OS9: variants seen among roughly 807,000 people sequenced by gnomAD.
OS9 encodes the protein OS9 endoplasmic reticulum lectin.
A neutral mutation model predicts 84.7 loss-of-function variants in OS9; 58 were observed. That is an observed-to-expected ratio of 0.68 (90% confidence interval 0.55 to 0.85). OS9 has a LOEUF of 0.85. Among genes scored for constraint, OS9 ranks in the 40% least tolerant of loss-of-function variants. The pLI, the probability that OS9 is intolerant of heterozygous loss-of-function variation, is 0.00. For synonymous variants in OS9, 278 were observed against 320.8 expected, an observed-to-expected ratio of 0.87 and a Z score of 1.43; for missense variants, 760 against 850.9, an observed-to-expected ratio of 0.89 and a Z score of 1.33.
At chr12:57,695,723 T>C (rs2140285016) in intron 2 of OS9, 57 bp from the exon 3 acceptor site, 1 of 1,109,184 alleles carries the variant, frequency 9.0e-7, no homozygotes, top group East Asian at 2.3e-5. Flanking sequence ...GAGACTCTGG[T>C]TCCAAGAAAA....
intron 11 of OS9, among the ~76,000 whole-genome samples, chr12:57,718,653 C>T (rs1306555247): frequency 6.6e-6 from 1 of 152,098 alleles, no homozygotes; most frequent in Non-Finnish European, 1.5e-5. Flanking sequence ...GCCTGTAATC[C>T]CAGCACTTTG....
intron 5 of OS9, among the ~76,000 whole-genome samples, chr12:57,710,736 G>C (rs1565775661): frequency 6.6e-6 from 1 of 152,006 alleles, no homozygotes; most frequent in Non-Finnish European, 1.5e-5. Flanking sequence ...TTATTTAAAA[G>C]GTATGTAATG....
chr12:57,709,281 CTT>C (rs1595050566), intron 5 of OS9, among the ~76,000 whole-genome samples: 1 of 152,206 alleles, frequency 6.6e-6, no homozygotes, highest in African/African-American at 2.4e-5. Context: ...TGTCTTCTCT[CTT>C]AATTATACAC....
intron 2 of OS9, 37 bp from the exon 3 acceptor site, chr12:57,695,743 A>C: frequency 7.2e-7 from 1 of 1,379,656 alleles, no homozygotes; most frequent in Non-Finnish European, 1.0e-6. Context: ...AGATGTCTGC[A>C]CTCCATCCCC....
chr12:57,694,678 G>A (rs764015491), intron 1 of OS9, 72 bp from the exon 2 acceptor site: 1 of 1,451,254 alleles, frequency 6.9e-7, no homozygotes, highest in Non-Finnish European at 9.7e-7. Flanking sequence ...GGTTTGAAGA[G>A]GGATTTCGTT....
At chr12:57,719,984 T>A in intron 12 of OS9, 115 bp from the exon 13 acceptor site, 1 of 939,154 alleles carries the variant, frequency 1.1e-6, no homozygotes, top group Non-Finnish European at 1.6e-6. Flanking sequence ...ATATACATGT[T>A]GAGATGGAAG....
At chr12:57,717,253 A>G (rs2140332515) in intron 9 of OS9, among the ~76,000 whole-genome samples, 1 of 152,288 alleles carries the variant, frequency 6.6e-6, no homozygotes. Context: ...CAGAGTGTCC[A>G]CCTTAGGATG....
chr12:57,704,437 C>G (rs10877006), intron 5 of OS9, among the ~76,000 whole-genome samples: 1 of 151,744 alleles, frequency 6.6e-6, no homozygotes, highest in African/African-American at 2.4e-5. Context: ...CTCGGGAAAC[C>G]GAGACAGGAG....
At chr12:57,715,365 A>AAAT (rs368406332) in intron 5 of OS9, among the ~76,000 whole-genome samples, 46 of 151,774 alleles carry the variant, frequency 3.0e-4, no homozygotes, top group Middle Eastern at 6.8e-3. Context: ...TCCATCTCAA[A>AAAT]AATAATAATA....
chr12:57,716,942 G>A (rs987742260), intron 9 of OS9, among the ~76,000 whole-genome samples, 198 bp downstream of exon 9: 6 of 152,164 alleles, frequency 3.9e-5, no homozygotes, highest in African/African-American at 1.4e-4. Flanking sequence ...CCACCACTTG[G>A]TGACTTTGTA....
chr12:57,697,908 AACAC>A (rs1265642283), intron 5 of OS9, among the ~76,000 whole-genome samples: 1 of 75,164 alleles, frequency 1.3e-5, no homozygotes, highest in Non-Finnish European at 2.7e-5. Flanking sequence ...AACATAAGCA[AACAC>A]ACACACACAC....
At chr12:57,713,513 A>T (rs1954391832) in intron 5 of OS9, among the ~76,000 whole-genome samples, 1 of 151,770 alleles carries the variant, frequency 6.6e-6, no homozygotes, top group Admixed American at 6.5e-5. Context: ...GTCCCACTGC[A>T]CTTGAGGTAA....
intron 5 of OS9, among the ~76,000 whole-genome samples, chr12:57,709,621 T>C: frequency 6.6e-6 from 1 of 152,230 alleles, no homozygotes; most frequent in East Asian, 1.9e-4. Context: ...TGTTCAGATT[T>C]TCTACAATTT....
chr12:57,720,598 C>A, intron 14 of OS9, 80 bp downstream of exon 14: 3 of 1,305,510 alleles, frequency 2.3e-6, no homozygotes, highest in Non-Finnish European at 1.1e-6. Flanking sequence ...CACGCCATTG[C>A]TGAGCTTCCA....
chr12:57,715,801 C>T lies in OS9; in HGVS notation c.621C>T (p.Ile207=), dbSNP rs767995006. The T allele has an allele frequency of 2.1e-5, 34 of 1,613,472 alleles. No individual in the cohort carries two copies. Among genetic ancestry groups the T allele is most frequent in the Admixed American group, 3.3e-5 (2 of 59,930 alleles). ...DEGAGISGDY[I]DRVDEPLSCS... ...GTGCAGGTATCTCTGGGGACTACATCGATCGCGTGGACGAGCCCTTGTCCT... is the reference window on the plus strand; with the variant it reads ...GTGCAGGTATCTCTGGGGACTACATTGATCGCGTGGACGAGCCCTTGTCCT... Residue 207 remains isoleucine, a synonymous_variant, in exon 6 of 15, where the codon ATC becomes ATT. Coordinates refer to ENST00000315970, the MANE Select transcript of OS9 (RefSeq NM_006812.4).
chr12:57,695,987 C>G lies in OS9; in HGVS notation c.429C>G (p.Leu143=). The change falls in exon 4 of 15, where the codon CTC becomes CTG. Residue 143 remains leucine, a synonymous_variant. Coordinates refer to ENST00000315970, the MANE Select transcript of OS9 (RefSeq NM_006812.4). ...ATTCAGAGATCAAAGGTGAAGTCCT[C>G]TATCTCGGCTACTACCAATCAGCCT... ...MEDSEIKGEV[L]YLGYYQSAFD... is the part of the protein sequence containing the mutation. 1.2e-6 allele frequency: 2 copies of G among 1,613,560 alleles called. No individual in the cohort carries two copies. The highest frequency in any genetic ancestry group is 1.7e-6 in the Non-Finnish European group (2 of 1,179,464).
Position 57,720,789 on chromosome 12 carries a change from G to A in OS9, c.1884G>A (p.Pro628=), listed in dbSNP as rs757902093. The change falls in exon 15 of 15, where the codon CCG becomes CCA. Residue 628 remains proline, a synonymous_variant. Coordinates refer to ENST00000315970, the MANE Select transcript of OS9 (RefSeq NM_006812.4). ...LKEIFFNILV[P]GAEEAQKERQ... ...CCTCTACCCTCTCCCACCAGGTGCC[G>A]GGAGCTGAAGAGGCCCAGAAGGAAC... 169 of 1,607,886 alleles carry A rather than the reference G, an allele frequency of 1.1e-4. No homozygotes were observed. Among genetic ancestry groups the A allele is most frequent in the Non-Finnish European group, 1.4e-4 (163 of 1,176,732 alleles).
rs745673503 is a variant in OS9, at chr12:57,716,079, T to C, written c.791-13T>C. 4 of 1,609,660 alleles carry C rather than the reference T, an allele frequency of 2.5e-6. No individual in the cohort carries two copies. The highest frequency in any genetic ancestry group is 3.4e-6 in the Non-Finnish European group (4 of 1,175,982). ...ATGTGTTCCTGGCCTGCTTGCATGCTGTTTCTCAGTAGACTCAAAGCAGTA... is the reference window on the plus strand; with the variant it reads ...ATGTGTTCCTGGCCTGCTTGCATGCCGTTTCTCAGTAGACTCAAAGCAGTA... On this transcript the variant is annotated splice_polypyrimidine_tract_variant and intron_variant, in intron 6 of 14. Transcript: ENST00000315970.
At chr12:57,716,058 G>C (rs756880836) in intron 6 of OS9, 34 bp from the exon 7 acceptor site, 1 of 1,597,662 alleles carries the variant, frequency 6.3e-7, no homozygotes, top group Middle Eastern at 1.7e-4. Flanking sequence ...GGAGGAATGT[G>C]TTCCTGGCCT....
Sources: gnomAD v4.1 joint callset for allele counts (sites outside exome capture counted in the v4.1 genomes callset) on GRCh38, gnomAD v4.1.1 for gene constraint, MANE v1.5 for transcripts, NCBI Gene and HGNC (gene_info 2026-07-23, HGNC 2026-07-21) for gene names.